RBM6: variants seen among roughly 807,000 people sequenced by gnomAD.
RBM6 encodes RNA binding motif protein 6.
A neutral mutation model predicts 140.4 loss-of-function variants in RBM6; 23 were observed. That is an observed-to-expected ratio of 0.16 (90% CI 0.12 to 0.23). RBM6 has a LOEUF of 0.23. Ranked by LOEUF, RBM6 falls within the 10% of genes least tolerant of loss-of-function variation. RBM6 has a pLI of 1.00. For missense variants in RBM6, 1,139 were observed against 1,386.7 expected (o/e 0.82, Z 2.84); for synonymous variants, 439 against 475.6 (o/e 0.92, Z 1.00).
intron 5 of RBM6, 99 bp from the exon 6 acceptor site, chr3:49,999,341 C>A (rs1407078380): frequency 2.0e-6 from 2 of 991,760 alleles, no homozygotes; most frequent in Non-Finnish European, 3.2e-6. Context: ...GTTGGGAGGG[C>A]TTGTGTTTAA....
intron 1 of RBM6, among the ~76,000 whole-genome samples, chr3:49,948,199 G>A (rs751869161): frequency 3.2e-4 from 49 of 152,270 alleles, no homozygotes; most frequent in Middle Eastern, 3.4e-3. Flanking sequence ...TTACTGCACT[G>A]TTGTGATGGC....
chr3:50,010,350 G>C (rs75311503), intron 6 of RBM6, among the ~76,000 whole-genome samples: 4,368 of 152,212 alleles, frequency 0.029, 188 homozygotes, highest in African/African-American at 0.098. Context: ...GTGTATCACA[G>C]GATGTAGAGT....
intron 6 of RBM6, among the ~76,000 whole-genome samples, chr3:50,038,037 G>A: frequency 6.6e-6 from 1 of 151,930 alleles, no homozygotes; most frequent in Non-Finnish European, 1.5e-5. Context: ...GGCCAGGCTG[G>A]TCTTGAACTC....
At chr3:50,065,690 G>T in intron 16 of RBM6, 1 of 454,398 alleles carries the variant, frequency 2.2e-6, no homozygotes. Flanking sequence ...ATAGACCAAT[G>T]ATTATGCATC....
Position 49,968,215 on chromosome 3 carries a change from A to G in RBM6, c.790A>G (p.Arg264Gly). The part of the protein sequence containing the change: ...HSDFRGRHRS[R>G]TDQDFRGREM... Reference sequence around the variant, plus strand: ...AGATTTCAGAGGTAGACACCGATCTAGGACTGATCAGGATTTTAGGGGCAG... The same window carrying G: ...AGATTTCAGAGGTAGACACCGATCTGGGACTGATCAGGATTTTAGGGGCAG... The change falls in exon 3 of 21, where the codon AGG becomes GGG. Residue 264 changes from arginine to glycine, a missense_variant. This residue lies in a region of RBM6 where 566 missense variants were observed against 612.7 expected (regional missense o/e 0.92). Coordinates refer to ENST00000266022, the MANE Select transcript of RBM6 (RefSeq NM_005777.3). 1 of 1,614,168 alleles carries G rather than the reference A, an allele frequency of 6.2e-7. No individual in the cohort carries two copies. Among genetic ancestry groups the G allele is most frequent in the Non-Finnish European group, 8.5e-7 (1 of 1,180,024 alleles).
At position 50,068,731 on chromosome 3, in the gene RBM6, G is replaced by A. The variant is rs764186004; in HGVS notation, c.2985G>A (p.Gln995=). ...EIHRKIKQSE[Q]ELAYLERRER... is the part of the protein sequence containing the mutation. The stretch of plus-strand genomic sequence containing the variant: ...ACCGGAAGATAAAACAGTCTGAGCA[G>A]GAGCTAGCCTATCTGGAAAGGAGAG... Residue 995 remains glutamine (Q), a synonymous_variant, in exon 18 of 21, where the codon CAG becomes CAA. Coordinates refer to ENST00000266022, the MANE Select transcript of RBM6 (RefSeq NM_005777.3). 2 of 1,614,026 alleles carry A rather than the reference G, an allele frequency of 1.2e-6. No homozygotes were observed. Among genetic ancestry groups the A allele is most frequent in the Non-Finnish European group, 1.7e-6 (2 of 1,180,000 alleles).
Position 49,985,637 on chromosome 3 carries a change from C to T in RBM6, c.1483+10245C>T, listed in dbSNP as rs186518148. Among the ~76,000 whole-genome samples the T allele has an allele frequency of 6.6e-4, 100 of 152,228 alleles. 2 individuals carry two copies. Among genetic ancestry groups the T allele is most frequent in the Admixed American group, 6.6e-3 (100 of 15,258 alleles). On this transcript the variant is annotated intron_variant, in intron 5 of 20. Transcript: ENST00000266022. ...TTATTTTTATTTTGAGATAGAGCCT[C>T]ACTCTGTCGCCCAGGCTGGAGTGCA...
intron 6 of RBM6, among the ~76,000 whole-genome samples, chr3:50,028,947 A>G: frequency 6.6e-6 from 1 of 152,130 alleles, no homozygotes; most frequent in East Asian, 1.9e-4. Flanking sequence ...TTAGGTTTCT[A>G]CTGTATTTTC....
At chr3:50,048,182 C>G in intron 6 of RBM6, 63 bp from the exon 7 acceptor site, 1 of 1,585,042 alleles carries the variant, frequency 6.3e-7, no homozygotes, top group South Asian at 1.2e-5. Flanking sequence ...CTCTCTGTGC[C>G]TTTCTGTCTC....
chr3:49,989,118 G>A (rs183873299), intron 5 of RBM6, among the ~76,000 whole-genome samples: 1 of 152,028 alleles, frequency 6.6e-6, no homozygotes, highest in East Asian at 1.9e-4. Flanking sequence ...ATCTTCATTA[G>A]ATTTTCCCTA....
At chr3:50,054,170 A>G (rs2108898231) in intron 7 of RBM6, 165 bp from the exon 8 acceptor site, 1 of 613,142 alleles carries the variant, frequency 1.6e-6, no homozygotes, top group South Asian at 2.1e-5. Context: ...ATCAGATCCC[A>G]TCTGCCAGCT....
In RBM6 at chr3:49,942,483, C is replaced by G. The variant is rs973391395; in HGVS notation, c.-67+2258C>G. Among the ~76,000 whole-genome samples the G allele has an allele frequency of 6.3e-5, 9 of 142,394 alleles. No homozygotes were observed. In the Admixed American group the frequency reaches 6.6e-4, roughly 10 times the overall value. The allele number at this position is 142,394 out of a possible 152,430, so 93.4% of individuals were successfully genotyped here. ...CAGCCTGGGCAACAGAGCGAGACTCCGAGACTCCATCTCAAAAAAAAAAAA... is the reference window on the plus strand; with the variant it reads ...CAGCCTGGGCAACAGAGCGAGACTCGGAGACTCCATCTCAAAAAAAAAAAA... On this transcript the variant is annotated intron_variant, in intron 1 of 20. Coordinates refer to ENST00000266022, the MANE Select transcript of RBM6 (RefSeq NM_005777.3).
chr3:50,057,875 G>A lies in RBM6; in HGVS notation c.1841G>A (p.Arg614His), dbSNP rs1413311107. The A allele has an allele frequency of 4.3e-6, 7 of 1,613,936 alleles. No individual in the cohort carries two copies. Among genetic ancestry groups the A allele is most frequent in the Admixed American group, 3.3e-5 (2 of 59,980 alleles). Residue 614 changes from arginine (R) to histidine (H), a missense_variant, in exon 9 of 21, where the codon CGC (arginine) becomes CAC (histidine). Arg to His is a conservative substitution (Grantham distance 29). Around this residue, in one of 9 missense-constraint regions of RBM6, gnomAD observed 109 missense variants for 101.9 expected, o/e 1.07. Coordinates refer to ENST00000266022, the MANE Select transcript of RBM6 (RefSeq NM_005777.3). ...AAGAGGGAAGAAGGCCAAGAGTCAC[G>A]CTTAGGACATCAAAAGAGAGAAGCA... ...PRKREEGQES[R>H]LGHQKREAER...
chr3:50,054,985 A>C (rs531589965), intron 8 of RBM6, among the ~76,000 whole-genome samples: 5 of 152,154 alleles, frequency 3.3e-5, no homozygotes, highest in African/African-American at 1.2e-4. Flanking sequence ...CACCATGCCC[A>C]GCTAATTATT....
At chr3:49,964,917 A>G (rs2084439027) in intron 2 of RBM6, among the ~76,000 whole-genome samples, 1 of 152,156 alleles carries the variant, frequency 6.6e-6, no homozygotes. Context: ...GTAAGTCATT[A>G]TATGCTGTTT....
intron 10 of RBM6, chr3:50,059,342 G>C (rs1263825526): frequency 5.3e-6 from 1 of 189,526 alleles, no homozygotes; most frequent in Non-Finnish European, 1.1e-5. Context: ...ATGCTCAAAA[G>C]TCACAAGGGA....
intron 6 of RBM6, among the ~76,000 whole-genome samples, chr3:50,010,213 G>T (rs1403376679): frequency 6.6e-6 from 1 of 152,154 alleles, no homozygotes; most frequent in Non-Finnish European, 1.5e-5. Flanking sequence ...ATCTCACAGG[G>T]TGAGATTTGT....
At chr3:49,974,006 T>G (rs2084935133) in intron 4 of RBM6, among the ~76,000 whole-genome samples, 1 of 152,216 alleles carries the variant, frequency 6.6e-6, no homozygotes, top group East Asian at 1.9e-4. Flanking sequence ...CAAATGGTTC[T>G]CCTGCCTCAG....
At chr3:49,979,774 A>G (rs926641512) in intron 5 of RBM6, among the ~76,000 whole-genome samples, 8 of 152,044 alleles carry the variant, frequency 5.3e-5, no homozygotes, top group Non-Finnish European at 1.0e-4. Context: ...TACATACTAT[A>G]TGTGTATGTG....
Sources: allele counts gnomAD v4.1 joint callset (sites outside exome capture counted in the v4.1 genomes callset), GRCh38; gene constraint gnomAD v4.1.1; regional missense constraint gnomAD v4.1.1; transcripts MANE v1.5; gene names NCBI Gene and HGNC (gene_info 2026-07-23, HGNC 2026-07-21).